PTPRE: variants seen among roughly 807,000 people sequenced by gnomAD.
The protein encoded by PTPRE is receptor-type tyrosine-protein phosphatase epsilon.
Under a neutral mutation model 102.0 loss-of-function variants are expected in PTPRE, and 51 were observed. The ratio of observed to expected loss-of-function variants is 0.50; its 90% CI spans 0.40 to 0.63. The LOEUF (loss-of-function observed/expected upper bound fraction) is 0.63. Ranked by LOEUF, PTPRE falls within the 30% of genes least tolerant of loss-of-function variation. PTPRE has a pLI of 0.00. For missense variants in PTPRE, 752 were observed against 915.1 expected (o/e 0.82, Z 2.30); for synonymous variants, 345 against 348.2 (o/e 0.99, Z 0.10).
rs1206366353 is a variant in PTPRE, at chr10:128,060,802, G to A, written c.512-137G>A. The A allele has an allele frequency of 2.4e-5, 17 of 722,996 alleles. No homozygotes were observed. In the Admixed American group the frequency reaches 2.5e-4, roughly 11 times the overall value. The allele number at this position is 722,996 out of a possible 1,614,324, so 44.8% of individuals were successfully genotyped here. On this transcript the variant is annotated intron_variant, in intron 7 of 20. Coordinates refer to ENST00000254667, the MANE Select transcript of PTPRE (RefSeq NM_006504.6). The stretch of plus-strand genomic sequence containing the variant: ...GAGGAAGAACATCTCTGCCATCCCT[G>A]GTGTCGCTGTGAAGCTGCTTTTGCC...
intron 1 of PTPRE, among the ~76,000 whole-genome samples, chr10:127,942,101 A>G (rs1017291660): frequency 6.6e-6 from 1 of 152,200 alleles, no homozygotes; most frequent in African/African-American, 2.4e-5. Context: ...AGTCCAGTCA[A>G]GAGCATTTCG....
intron 1 of PTPRE, among the ~76,000 whole-genome samples, chr10:127,931,087 G>A (rs76309261): frequency 0.034 from 5,210 of 152,124 alleles, 275 homozygotes; most frequent in African/African-American, 0.12. Context: ...CACCGTGCCC[G>A]GCCCGCCAGT....
At position 128,060,081 on chromosome 10, in the gene PTPRE, T is replaced by TAC. The variant is rs59000055; in HGVS notation, c.512-837_512-836dup. On this transcript the variant is annotated intron_variant, in intron 7 of 20. Transcript: ENST00000254667. ...TACACACCACACACATACCACACAC[T>TAC]ACACACACACACACACACACACTAC... Among the ~76,000 whole-genome samples the TAC allele has an allele frequency of 5.7e-3, 828 of 146,062 alleles. 7 individuals are homozygous for TAC. Among genetic ancestry groups the TAC allele is most frequent in the Middle Eastern group, 0.047 (13 of 274 alleles).
intron 1 of PTPRE, among the ~76,000 whole-genome samples, chr10:127,932,222 CAA>C (rs373097810): frequency 8.0e-4 from 122 of 152,316 alleles, no homozygotes; most frequent in African/African-American, 2.5e-3. Context: ...AAATTACACG[CAA>C]AGTCTATATT....
chr10:127,911,802 G>A (rs1210219757), intron 1 of PTPRE, among the ~76,000 whole-genome samples: 1 of 152,164 alleles, frequency 6.6e-6, no homozygotes, highest in Non-Finnish European at 1.5e-5. Context: ...GTAGCGTGCT[G>A]CCAATTTTAG....
At chr10:127,910,134 G>A (rs1297583048) in intron 1 of PTPRE, among the ~76,000 whole-genome samples, 1 of 152,166 alleles carries the variant, frequency 6.6e-6, no homozygotes, top group Non-Finnish European at 1.5e-5. Flanking sequence ...GGTAAAGACT[G>A]GCCTTCTTAA....
At position 127,948,223 on chromosome 10, in the gene PTPRE, C is replaced by CT. The variant is rs1019132418; in HGVS notation, c.-30-34042dup. The stretch of plus-strand genomic sequence containing the variant: ...GATGTGCACACACCATCACCCCCTC[C>CT]TTTTTTTTTGTTTAAGAGAGACTTT... On this transcript the variant is annotated intron_variant, in intron 1 of 20. Coordinates refer to ENST00000254667, the MANE Select transcript of PTPRE (RefSeq NM_006504.6). Among the ~76,000 whole-genome samples the CT allele has an allele frequency of 8.6e-5, 13 of 151,392 alleles. No homozygotes were observed. In the East Asian group the frequency reaches 1.4e-3, roughly 16 times the overall value.
chr10:128,030,773 G>T (rs1467550259), intron 2 of PTPRE, among the ~76,000 whole-genome samples: 1 of 152,146 alleles, frequency 6.6e-6, no homozygotes, highest in East Asian at 1.9e-4. Context: ...TCCTATTCAG[G>T]TTCTGTGGGT....
chr10:128,070,072 A>G lies in PTPRE; in HGVS notation c.1144-229A>G, dbSNP rs558018296. 7 of 691,596 alleles carry G rather than the reference A, an allele frequency of 1.0e-5. No individual in the cohort carries two copies. In the South Asian group the frequency reaches 1.3e-4, roughly 13 times the overall value. 42.8% of individuals were successfully genotyped at this position (691,596 alleles called of 1,614,324 possible). On this transcript the variant is annotated intron_variant, in intron 13 of 20. Coordinates refer to ENST00000254667, the MANE Select transcript of PTPRE (RefSeq NM_006504.6). The surrounding 1 kb of genome is among the most constrained non-coding windows in gnomAD (Gnocchi z 4.8). The stretch of plus-strand genomic sequence containing the variant: ...CTACTCCCCCAAACGGTGCATGTAC[A>G]CAGTGCGTGGCGTGCTCACCAATGT...
At chr10:128,057,789 T>C (rs762323748) in intron 7 of PTPRE, among the ~76,000 whole-genome samples, 2 of 152,170 alleles carry the variant, frequency 1.3e-5, no homozygotes, top group Non-Finnish European at 2.9e-5. Context: ...CAGACATGGC[T>C]AGATGCTGCA....
intron 1 of PTPRE, among the ~76,000 whole-genome samples, chr10:127,922,217 C>T (rs1846653261): frequency 6.6e-6 from 1 of 152,250 alleles, no homozygotes; most frequent in Non-Finnish European, 1.5e-5. Context: ...TTACACAGTT[C>T]CATTCATTCA....
At chr10:127,992,685 C>A (rs1202592937) in intron 2 of PTPRE, among the ~76,000 whole-genome samples, 1 of 152,156 alleles carries the variant, frequency 6.6e-6, no homozygotes, top group Non-Finnish European at 1.5e-5. Flanking sequence ...AAGCCAGACA[C>A]CTGCTCTAGA....
rs1463170507 is a variant in PTPRE, at chr10:128,084,950, G to C, written c.*2044G>C. ...CTCTTGTATCAAGAAGTACCTTTAA[G>C]GTAGACCTTTTCAGGGTGCCCTCAG... is the stretch of plus-strand genomic sequence containing the variant. On this transcript the variant is annotated 3_prime_UTR_variant, in exon 21 of 21. Transcript: ENST00000254667. 5.9e-6 allele frequency: 2 copies of C among 338,456 alleles called. No individual in the cohort carries two copies. Among genetic ancestry groups the C allele is most frequent in the Non-Finnish European group, 1.2e-5 (2 of 166,810 alleles). The allele number at this position is 338,456 out of a possible 1,614,324, so 21.0% of individuals were successfully genotyped here.
chr10:128,072,818 C>A (rs1359832896), intron 16 of PTPRE: 1 of 153,978 alleles, frequency 6.5e-6, no homozygotes, highest in Admixed American at 6.4e-5. Context: ...CCTCTGTGCT[C>A]TTTCTCTTGT....
At chr10:128,080,114 TC>T (rs1466689467) in intron 20 of PTPRE, among the ~76,000 whole-genome samples, 1 of 152,206 alleles carries the variant, frequency 6.6e-6, no homozygotes, top group Admixed American at 6.5e-5. Context: ...TGGCTTGTTT[TC>T]CCTGGCGGGG....
rs1468001696 is a variant in PTPRE at position 127,982,255 on chromosome 10, T to C, written c.-30-19T>C. On this transcript the variant is annotated intron_variant, in intron 1 of 20. Coordinates refer to ENST00000254667, the MANE Select transcript of PTPRE (RefSeq NM_006504.6). ...TGTTAACCAGAAAACTGACTTTTTT[T>C]TTCTTCTTTCTTCTTCAGACTATAG... The C allele has an allele frequency of 6.4e-6, 8 of 1,259,042 alleles. No individual in the cohort carries two copies. In the East Asian group the frequency reaches 3.9e-4, roughly 62 times the overall value. 78.0% of individuals were successfully genotyped at this position (1,259,042 alleles called of 1,614,324 possible). A position where few individuals can be genotyped will look rare whatever the true frequency, so the allele number is the denominator to read the frequency against.
At chr10:128,041,716 G>A (rs563203949) in intron 3 of PTPRE, among the ~76,000 whole-genome samples, 123 of 149,264 alleles carry the variant, frequency 8.2e-4, no homozygotes, top group African/African-American at 2.9e-3. Flanking sequence ...GTCATGGTTA[G>A]TTTTATTTTT....
chr10:128,038,320 G>T (rs1847398568), intron 2 of PTPRE, among the ~76,000 whole-genome samples: 1 of 152,156 alleles, frequency 6.6e-6, no homozygotes, highest in East Asian at 1.9e-4. Flanking sequence ...TATACCCAAA[G>T]GATTATAAAT....
intron 2 of PTPRE, among the ~76,000 whole-genome samples, chr10:128,004,531 T>C (rs1366018037): frequency 2.0e-5 from 3 of 152,220 alleles, no homozygotes; most frequent in Non-Finnish European, 1.5e-5. Context: ...TCTGGTTTCT[T>C]TCATGTAGCA....
Sources: gnomAD v4.1 joint callset for allele counts (sites outside exome capture counted in the v4.1 genomes callset) on GRCh38, gnomAD v4.1.1 for gene constraint, Gnocchi (gnomAD v3.1) non-coding constraint, MANE v1.5 for transcripts, NCBI Gene and HGNC (gene_info 2026-07-23, HGNC 2026-07-21) for gene names.